FTCDNL1: variants seen among roughly 807,000 people sequenced by gnomAD.
The protein encoded by FTCDNL1 is formiminotransferase cyclodeaminase N-terminal like.
Under a neutral mutation model 5.9 loss-of-function variants are expected in FTCDNL1, and 11 were observed. The ratio of observed to expected loss-of-function variants is 1.87; its 90% confidence interval spans 1.18 to 3.10. The LOEUF (loss-of-function observed/expected upper bound fraction) is 3.10. Among genes scored for constraint, FTCDNL1 ranks in the 30% most tolerant of loss-of-function variants. The probability of loss-of-function intolerance (pLI) is 0.00; values close to 1 mark genes in which losing one functional copy is unlikely to be tolerated. For missense variants in FTCDNL1, 115 were observed against 65.5 expected (o/e 1.76, Z -2.61); for synonymous variants, 58 against 24.8 (o/e 2.34, Z -3.99).
chr2:199,681,924 T>C, the FTCDNL1 span, among the ~76,000 whole-genome samples: 5 of 152,120 alleles, frequency 3.3e-5, no homozygotes, highest in African/African-American at 1.2e-4. Flanking sequence ...TGTGTGTGTG[T>C]GTGTGTGTTA....
the FTCDNL1 span, among the ~76,000 whole-genome samples, chr2:199,667,055 G>A: frequency 6.6e-6 from 1 of 152,180 alleles, no homozygotes; most frequent in East Asian, 1.9e-4. Context: ...GAGGAGTGGG[G>A]ACTGTGATTG....
At chr2:199,796,995 G>C (rs1170115055) in intron 3 of FTCDNL1, among the ~76,000 whole-genome samples, 1 of 151,956 alleles carries the variant, frequency 6.6e-6, no homozygotes, top group Non-Finnish European at 1.5e-5. Context: ...CTGACCACTA[G>C]ATAACCCAGA....
the FTCDNL1 span, among the ~76,000 whole-genome samples, chr2:199,741,258 A>G: frequency 7.9e-5 from 12 of 152,198 alleles, no homozygotes; most frequent in Non-Finnish European, 1.5e-4. Flanking sequence ...CCCGGGCGAT[A>G]GAGTGAGACC....
intron 3 of FTCDNL1, among the ~76,000 whole-genome samples, chr2:199,777,610 T>C (rs1699157510): frequency 6.6e-6 from 1 of 152,198 alleles, no homozygotes; most frequent in African/African-American, 2.4e-5. Flanking sequence ...ATTAGAAGAA[T>C]GTTTGACCAA....
the FTCDNL1 span, among the ~76,000 whole-genome samples, chr2:199,706,786 CT>C: frequency 4.1e-3 from 626 of 152,338 alleles, 7 homozygotes; most frequent in African/African-American, 0.014. Flanking sequence ...AAGGCCACCC[CT>C]GAATGTGGCT....
intron 3 of FTCDNL1, among the ~76,000 whole-genome samples, chr2:199,781,324 T>C (rs929639834): frequency 6.6e-6 from 1 of 152,236 alleles, no homozygotes; most frequent in African/African-American, 2.4e-5. Context: ...TGTGCTTCCT[T>C]CCTACTGACA....
At chr2:199,709,894 T>C in the FTCDNL1 span, among the ~76,000 whole-genome samples, 2 of 152,152 alleles carry the variant, frequency 1.3e-5, no homozygotes, top group Non-Finnish European at 2.9e-5. Context: ...ATACCTCTTT[T>C]GTAGCCATAA....
At chr2:199,826,826 T>C (rs1056258056) in intron 3 of FTCDNL1, among the ~76,000 whole-genome samples, 3 of 152,176 alleles carry the variant, frequency 2.0e-5, no homozygotes, top group African/African-American at 7.2e-5. Context: ...GCGTTTATCC[T>C]GTCCTTCCTG....
chr2:199,669,915 G>A, the FTCDNL1 span, among the ~76,000 whole-genome samples: 33 of 152,214 alleles, frequency 2.2e-4, no homozygotes, highest in African/African-American at 7.0e-4. Context: ...TAAGAGAAAG[G>A]CATGTTATAA....
the FTCDNL1 span, among the ~76,000 whole-genome samples, chr2:199,667,711 C>T: frequency 2.6e-5 from 4 of 152,136 alleles, no homozygotes; most frequent in Admixed American, 1.3e-4. Context: ...GATGTGGGTT[C>T]TTCCACTTTA....
the FTCDNL1 span, among the ~76,000 whole-genome samples, chr2:199,720,126 T>C: frequency 6.6e-6 from 1 of 152,144 alleles, no homozygotes; most frequent in South Asian, 2.1e-4. Context: ...TTTGGTGAAG[T>C]CTTTAGGGTT....
At chr2:199,824,638 T>C (rs1012711296) in intron 3 of FTCDNL1, among the ~76,000 whole-genome samples, 1 of 152,194 alleles carries the variant, frequency 6.6e-6, no homozygotes, top group African/African-American at 2.4e-5. Flanking sequence ...CTTGAACACT[T>C]AAAGGCCATT....
the FTCDNL1 span, among the ~76,000 whole-genome samples, chr2:199,695,485 A>C: frequency 3.9e-5 from 6 of 152,170 alleles, no homozygotes; most frequent in Non-Finnish European, 8.8e-5. Flanking sequence ...AATATCTCTT[A>C]ATAATAAAAA....
chr2:199,847,728 G>A (rs1277614966), intron 2 of FTCDNL1, among the ~76,000 whole-genome samples: 1 of 152,160 alleles, frequency 6.6e-6, no homozygotes, highest in Non-Finnish European at 1.5e-5. Flanking sequence ...TTCCACAAAT[G>A]TCTCTGCACA....
the FTCDNL1 span, among the ~76,000 whole-genome samples, chr2:199,678,847 A>T: frequency 6.6e-6 from 1 of 152,090 alleles, no homozygotes; most frequent in Non-Finnish European, 1.5e-5. Context: ...TTATTCTGAA[A>T]TTTTTTATTG....
chr2:199,759,435 G>A (rs1315587980), downstream of FTCDNL1, among the ~76,000 whole-genome samples: 1 of 151,844 alleles, frequency 6.6e-6, no homozygotes, highest in East Asian at 1.9e-4. Context: ...TGTTACCTTG[G>A]GAGTCCCAGC....
At chr2:199,757,124 C>T (rs1698098795), downstream of FTCDNL1, among the ~76,000 whole-genome samples, 1 of 152,180 alleles carries the variant, frequency 6.6e-6, no homozygotes, top group Non-Finnish European at 1.5e-5. Context: ...ACCTCCTAAA[C>T]AGGAAAATGA....
At position 199,811,427 on chromosome 2, in the gene FTCDNL1, A is replaced by T. The variant is rs1701029908; in HGVS notation, c.*1278T>A. Among the ~76,000 whole-genome samples the T allele has an allele frequency of 6.6e-6, 1 of 152,238 alleles. No homozygotes were observed. The highest frequency in any genetic ancestry group is 1.5e-5 in the Non-Finnish European group (1 of 68,042). On this transcript the variant is annotated 3_prime_UTR_variant, in exon 5 of 5. Transcript: ENST00000420128. ...TGGTAATATCTTTACCATCGTTCCA[A>T]CAAATAGTTGGATCACACTCAGGTT...
At chr2:199,817,196 A>G (rs1230257739) in intron 4 of FTCDNL1, among the ~76,000 whole-genome samples, 2 of 152,174 alleles carry the variant, frequency 1.3e-5, no homozygotes, top group Non-Finnish European at 2.9e-5. Context: ...ACCTTTTACT[A>G]TTTCCTTAGG....
Sources: gnomAD v4.1 joint callset for allele counts (sites outside exome capture counted in the v4.1 genomes callset) on GRCh38, gnomAD v4.1.1 for gene constraint, MANE v1.5 for transcripts, NCBI Gene and HGNC (gene_info 2026-07-23, HGNC 2026-07-21) for gene names.